Variants in HDAC9 observed in about 807,000 individuals in gnomAD.
The protein encoded by HDAC9 is MEF-2 interacting transcription repressor (MITR) protein.
A neutral mutation model predicts 139.4 loss-of-function variants in HDAC9; 41 were observed. The ratio of observed to expected loss-of-function variants is 0.29; its 90% CI spans 0.23 to 0.38. HDAC9 has a LOEUF of 0.38. HDAC9 is among the 10% of genes least tolerant of loss of function. The pLI is 1.00. For missense variants in HDAC9, 1,147 were observed against 1,297.0 expected (o/e 0.88, Z 1.78); for synonymous variants, 517 against 476.2 (o/e 1.09, Z -1.12).
chr7:18,166,581 C>T (rs2128130310), intron 2 of HDAC9, among the ~76,000 whole-genome samples: 1 of 152,138 alleles, frequency 6.6e-6, no homozygotes. Flanking sequence ...GTAGTATAAA[C>T]AATTTGGGGG....
chr7:18,100,793 A>T (rs1782800377), intron 1 of HDAC9, among the ~76,000 whole-genome samples: 1 of 152,028 alleles, frequency 6.6e-6, no homozygotes, highest in South Asian at 2.1e-4. Flanking sequence ...ATGCCTAGTA[A>T]TTTTTGATGG....
intron 1 of HDAC9, among the ~76,000 whole-genome samples, chr7:18,401,870 A>C (rs997287558): frequency 6.6e-6 from 1 of 152,136 alleles, no homozygotes; most frequent in Non-Finnish European, 1.5e-5. Context: ...TCAAAATTAT[A>C]CTCATTCTGA....
At chr7:18,260,313 T>G (rs993080560) in intron 2 of HDAC9, among the ~76,000 whole-genome samples, 1 of 141,862 alleles carries the variant, frequency 7.0e-6, no homozygotes, top group Non-Finnish European at 1.5e-5. Flanking sequence ...TTTTTTTTGT[T>G]TTTTTTTTTG....
intron 9 of HDAC9, among the ~76,000 whole-genome samples, chr7:18,646,475 A>T (rs960826445): frequency 1.3e-5 from 2 of 152,136 alleles, no homozygotes; most frequent in Non-Finnish European, 2.9e-5. Flanking sequence ...CAAGTTTAGC[A>T]TTGCTTTGCC....
At chr7:18,185,512 G>A (rs1019180607) in intron 2 of HDAC9, among the ~76,000 whole-genome samples, 1 of 152,140 alleles carries the variant, frequency 6.6e-6, no homozygotes, top group Non-Finnish European at 1.5e-5. Context: ...TGTCTATTAA[G>A]TTATGAAAAC....
chr7:18,167,618 T>G (rs1272737425), intron 2 of HDAC9, among the ~76,000 whole-genome samples: 1 of 152,162 alleles, frequency 6.6e-6, no homozygotes, highest in Admixed American at 6.5e-5. Flanking sequence ...GCTTCTTCAG[T>G]TCATGTATTC....
chr7:18,745,635 C>T (rs1453499391), intron 13 of HDAC9, among the ~76,000 whole-genome samples: 2 of 149,442 alleles, frequency 1.3e-5, no homozygotes, highest in African/African-American at 4.9e-5. Context: ...CAAGCTCCGC[C>T]TCCCGGGTTC....
chr7:18,203,704 TA>T lies in HDAC9; in HGVS notation c.25+41362del, dbSNP rs1791295416. Reference sequence around the variant, plus strand: ...AGAACAACAGATTATGTTGAATGCCTAAAAAAATGTGTTTAACAACTTTTAA... The same window carrying T: ...AGAACAACAGATTATGTTGAATGCCTAAAAAATGTGTTTAACAACTTTTAA... On this transcript the variant is annotated intron_variant, in intron 2 of 12. Coordinates refer to the HDAC9 transcript ENST00000417496. Among the ~76,000 whole-genome samples, 5 of 152,152 alleles carry T rather than the reference TA, an allele frequency of 3.3e-5. No individual in the cohort carries two copies. In the South Asian group the frequency reaches 8.3e-4, roughly 25 times the overall value.
intron 1 of HDAC9, among the ~76,000 whole-genome samples, chr7:18,302,908 A>G (rs1028321526): frequency 1.2e-4 from 18 of 152,294 alleles, no homozygotes; most frequent in African/African-American, 4.3e-4. Context: ...TTGAATTACT[A>G]GTTAACAATA....
chr7:18,401,944 C>T (rs1787585333), intron 1 of HDAC9, among the ~76,000 whole-genome samples: 1 of 152,158 alleles, frequency 6.6e-6, no homozygotes, highest in African/African-American at 2.4e-5. Context: ...TTTCAGCTCC[C>T]ACTGGCCTTT....
rs1057304962 is a variant in HDAC9, at chr7:18,667,726, C to T, written c.1731+1250C>T. 4 of 984,702 alleles carry T rather than the reference C, an allele frequency of 4.1e-6. No individual in the cohort carries two copies. In the African/African-American group the frequency reaches 7.0e-5, roughly 17 times the overall value. The allele number at this position is 984,702 out of a possible 1,614,324, so 61.0% of individuals were successfully genotyped here. On this transcript the variant is annotated intron_variant, in intron 12 of 25. Transcript: ENST00000686413. ...AAAAAAATCTGAGGATAGTGCTTTA[C>T]TCTTTCTGTTTTTAAAGGGCACTCT...
chr7:18,126,438 T>C (rs1026498158), intron 1 of HDAC9, among the ~76,000 whole-genome samples: 3 of 152,188 alleles, frequency 2.0e-5, no homozygotes, highest in African/African-American at 7.2e-5. Flanking sequence ...TATCCTTTCC[T>C]GCAAATCAAG....
At chr7:18,852,123 T>C (rs534951694) in intron 21 of HDAC9, among the ~76,000 whole-genome samples, 36 of 152,342 alleles carry the variant, frequency 2.4e-4, no homozygotes, top group African/African-American at 8.4e-4. Context: ...GTATCTTTCA[T>C]GTGCGTAAAG....
At chr7:18,945,142 C>A (rs1318464822) in intron 23 of HDAC9, among the ~76,000 whole-genome samples, 2 of 152,178 alleles carry the variant, frequency 1.3e-5, no homozygotes, top group African/African-American at 4.8e-5. Flanking sequence ...ATTTGTACTC[C>A]TACCAGTGGC....
chr7:18,705,467 C>T (rs189889472), intron 12 of HDAC9, among the ~76,000 whole-genome samples: 270 of 152,286 alleles, frequency 1.8e-3, no homozygotes, highest in Admixed American at 2.7e-3. Flanking sequence ...CCCGTTTGCT[C>T]ACACCTGGTG....
At chr7:18,509,628 A>G (rs1800852942) in intron 2 of HDAC9, among the ~76,000 whole-genome samples, 1 of 152,174 alleles carries the variant, frequency 6.6e-6, no homozygotes, top group Non-Finnish European at 1.5e-5. Context: ...GCTCTATTCC[A>G]ACTGGTCATC....
chr7:18,676,610 A>G (rs1370805090), intron 12 of HDAC9, among the ~76,000 whole-genome samples: 1 of 151,928 alleles, frequency 6.6e-6, no homozygotes, highest in Non-Finnish European at 1.5e-5. Flanking sequence ...AGCACATTTA[A>G]TGTTTATTTT....
chr7:18,228,043 T>C (rs1282221733), intron 2 of HDAC9, among the ~76,000 whole-genome samples: 2 of 152,216 alleles, frequency 1.3e-5, no homozygotes, highest in African/African-American at 2.4e-5. Context: ...TAAATTTTGC[T>C]GGAAATGGCA....
chr7:18,307,167 A>G (rs138909467), intron 1 of HDAC9, among the ~76,000 whole-genome samples: 1 of 146,146 alleles, frequency 6.8e-6, no homozygotes, highest in Non-Finnish European at 1.5e-5. Flanking sequence ...AGGCAAGAGT[A>G]TCTTTTTTAA....
Sources: allele counts gnomAD v4.1 joint callset (sites outside exome capture counted in the v4.1 genomes callset), GRCh38; gene constraint gnomAD v4.1.1; transcripts MANE v1.5; gene names NCBI Gene and HGNC (gene_info 2026-07-23, HGNC 2026-07-21).